The following ITGA10 variants were observed in gnomAD, a reference collection of about 807,000 sequenced individuals.
The protein encoded by ITGA10 is integrin alpha-10.
Under a neutral mutation model 145.2 loss-of-function variants are expected in ITGA10, and 105 were observed. That is an observed-to-expected ratio of 0.72 (90% CI 0.62 to 0.85). The LOEUF (loss-of-function observed/expected upper bound fraction) is 0.85. ITGA10 is among the 40% of genes least tolerant of loss of function. The pLI is 0.00. For synonymous variants in ITGA10, 506 were observed against 557.8 expected (o/e 0.91, Z 1.31); for missense variants, 1,317 against 1,444.5 (o/e 0.91, Z 1.43).
chr1:145,909,895 G>A (rs1402855773), intron 1 of ITGA10, 68 bp downstream of exon 1: 34 of 1,325,314 alleles, frequency 2.6e-5, no homozygotes, highest in South Asian at 1.3e-4. Flanking sequence ...TAACTATAAT[G>A]GTCCCAATTC....
rs587665003 is a variant in ITGA10, at chr1:145,892,235, G to A, written c.*563C>T. On this transcript the variant is annotated 3_prime_UTR_variant, in exon 30 of 30. Transcript: ENST00000369304. ...CTTGGAATTGTACAGAATGTCTCTTGTGGCTTTTCCTCCTCCCTCCTTTTT... is the reference window on the plus strand; with the variant it reads ...CTTGGAATTGTACAGAATGTCTCTTATGGCTTTTCCTCCTCCCTCCTTTTT... 2 of 153,542 alleles carry A rather than the reference G, an allele frequency of 1.3e-5. No homozygotes were observed. The highest frequency in any genetic ancestry group is 6.5e-5 in the Admixed American group (1 of 15,360). The allele number at this position is 153,542 out of a possible 1,614,324, so 9.5% of individuals were successfully genotyped here. A position where few individuals can be genotyped will look rare whatever the true frequency, so the allele number is the denominator to read the frequency against.
At chr1:145,904,253 G>A in intron 6 of ITGA10, 53 bp from the exon 7 acceptor site, 1 of 1,564,080 alleles carries the variant, frequency 6.4e-7, no homozygotes, top group Non-Finnish European at 8.8e-7. Flanking sequence ...TGGGGGGAGA[G>A]GAGGAAGAAG....
Position 145,898,994 on chromosome 1 carries a change from C to T in ITGA10, c.2174G>A (p.Arg725Gln), listed in dbSNP as rs2274616. 0.15 allele frequency: 238,882 copies of T among 1,614,040 alleles called. 18,165 individuals carry two copies. The highest frequency in any genetic ancestry group is 0.19 in the Middle Eastern group (1,124 of 6,062). ...FDGSGQRLSP[R>Q]RLRLSVGNVT... ...ATTCCCCACACTGAGCCGGAGCCTC[C>T]GAGGGGACAACCTCTGGCCAGAGCC... Residue 725 changes from arginine to glutamine, a missense_variant, in exon 17 of 30, where the codon CGG (arginine) becomes CAG (glutamine). Transcript: ENST00000369304.
Position 145,893,176 on chromosome 1 carries a change from G to T in ITGA10, c.3423C>A (p.Val1141=). 6.2e-7 allele frequency: 1 copy of T among 1,612,514 alleles called. No individual in the cohort carries two copies. The highest frequency in any genetic ancestry group is 8.5e-7 in the Non-Finnish European group (1 of 1,178,582). The part of the protein sequence containing the change: ...LGGLLLLALL[V]FCLWKLGFFA... ...CAGTGCTTACCTTCCACAGGCAGAA[G>T]ACAAGGAGAGCAAGCAGGAGCAACC... Residue 1141 remains valine (V), a synonymous_variant, in exon 29 of 30, where the codon GTC becomes GTA. Coordinates refer to ENST00000369304, the MANE Select transcript of ITGA10 (RefSeq NM_003637.5).
At position 145,897,037 on chromosome 1, in the gene ITGA10, C is replaced by T; in HGVS notation, c.2718G>A (p.Gln906=). The change falls in exon 22 of 30, where the codon CAG becomes CAA. Residue 906 remains glutamine (Q), a synonymous_variant. Transcript: ENST00000369304. ...FEFSCSSLLS[Q]VFVKLTASSD... ...TGCTGGCAGTCAGCTTCACGAAGAC[C>T]TGGCTCAGGAGAGAGGAGCAGCTAA... 6.2e-7 allele frequency: 1 copy of T among 1,614,124 alleles called. No homozygotes were observed. Among genetic ancestry groups the T allele is most frequent in the Non-Finnish European group, 8.5e-7 (1 of 1,180,002 alleles).
At chr1:145,897,161 G>C in intron 21 of ITGA10, 74 bp from the exon 22 acceptor site, 1 of 1,559,782 alleles carries the variant, frequency 6.4e-7, no homozygotes, top group South Asian at 1.1e-5. Flanking sequence ...GAGCCCTTGT[G>C]CGCCCCCTTC....
chr1:145,896,476 G>A (rs1032132569), intron 23 of ITGA10, 124 bp from the exon 24 acceptor site: 3 of 771,278 alleles, frequency 3.9e-6, no homozygotes, highest in Non-Finnish European at 4.6e-6. Flanking sequence ...AGAGGTGGGG[G>A]TACATGGAGA....
At chr1:145,896,227 C>T (rs781853323) in intron 24 of ITGA10, 41 bp downstream of exon 24, 2 of 1,540,294 alleles carry the variant, frequency 1.3e-6, no homozygotes, top group Non-Finnish European at 1.8e-6. Context: ...GCTGTTGTTC[C>T]CCCACATTCT....
Position 145,895,620 on chromosome 1 carries a change from G to A in ITGA10, c.3114+11C>T, listed in dbSNP as rs367675256. 2.5e-6 allele frequency: 4 copies of A among 1,613,672 alleles called. No individual in the cohort carries two copies. The African/African-American group carries it at 5.3e-5, about 22-fold the overall frequency. On this transcript the variant is annotated intron_variant, in intron 26 of 29. Coordinates refer to ENST00000369304, the MANE Select transcript of ITGA10 (RefSeq NM_003637.5). Reference sequence around the variant, plus strand: ...GCATTCCCACTCTGGACACCCCTTTGTGACTCATACCAGTCTGTTTGTGTG... The same window carrying A: ...GCATTCCCACTCTGGACACCCCTTTATGACTCATACCAGTCTGTTTGTGTG...
chr1:145,905,402 C>A (rs1438974922), intron 5 of ITGA10, among the ~76,000 whole-genome samples: 3 of 151,890 alleles, frequency 2.0e-5, no homozygotes, highest in African/African-American at 7.2e-5. Context: ...GCCTCAGCCT[C>A]CCGAGTAGCT....
chr1:145,906,445 G>T lies in ITGA10; in HGVS notation c.430C>A (p.Arg144Ser). Residue 144 changes from arginine to serine, a missense_variant, in exon 5 of 30, where the codon CGT (arginine) becomes AGT (serine). Physicochemically the swap from Arg to Ser is moderately radical, Grantham distance 110. Transcript: ENST00000369304. ...SSVFSSGICA[R>S]VDASFQPQGS... Reference sequence around the variant, plus strand: ...TGAGGCTGGAATGAAGCATCCACACGGGCACATATCCCAGAACTGAAGACA... The same window carrying T: ...TGAGGCTGGAATGAAGCATCCACACTGGCACATATCCCAGAACTGAAGACA... 6.2e-7 allele frequency: 1 copy of T among 1,614,066 alleles called. No individual in the cohort carries two copies. The highest frequency in any genetic ancestry group is 8.5e-7 in the Non-Finnish European group (1 of 1,180,020).
chr1:145,893,496 T>C (rs1553743890), intron 28 of ITGA10, 44 bp downstream of exon 28: 2 of 1,465,468 alleles, frequency 1.4e-6, no homozygotes, highest in African/African-American at 2.8e-5. Flanking sequence ...CACATACCCA[T>C]CATCATTATT....
chr1:145,895,834 A>G (rs1655315184), intron 25 of ITGA10, 123 bp from the exon 26 acceptor site: 3 of 1,034,424 alleles, frequency 2.9e-6, no homozygotes, highest in African/African-American at 3.2e-5. Flanking sequence ...CTTCTCTCTA[A>G]TAAGCCACAT....
Position 145,906,443 on chromosome 1 carries a change from A to G in ITGA10, c.432T>C (p.Arg144=). 5 of 1,614,144 alleles carry G rather than the reference A, an allele frequency of 3.1e-6. No homozygotes were observed. Among genetic ancestry groups the G allele is most frequent in the Non-Finnish European group, 4.2e-6 (5 of 1,180,036 alleles). ...CCTGAGGCTGGAATGAAGCATCCAC[A>G]CGGGCACATATCCCAGAACTGAAGA... ...SSVFSSGICA[R]VDASFQPQGS... The change falls in exon 5 of 30, where the codon CGT becomes CGC. Residue 144 remains arginine (R), a synonymous_variant. Transcript: ENST00000369304.
At chr1:145,899,409 G>A (rs1379825343) in intron 15 of ITGA10, 68 bp from the exon 16 acceptor site, 1 of 1,542,500 alleles carries the variant, frequency 6.5e-7, no homozygotes, top group African/African-American at 1.4e-5. Flanking sequence ...CAAGCCCAGT[G>A]TTTGCTTCCC....
At chr1:145,894,200 C>T (rs1422309691) in intron 27 of ITGA10, among the ~76,000 whole-genome samples, 1 of 150,002 alleles carries the variant, frequency 6.7e-6, no homozygotes, top group Non-Finnish European at 1.5e-5. Flanking sequence ...CAAACTCCAT[C>T]TCTCGGGTTA....
intron 17 of ITGA10, 118 bp from the exon 18 acceptor site, chr1:145,898,341 T>G (rs1171389398): frequency 1.1e-5 from 5 of 458,950 alleles, no homozygotes; most frequent in Non-Finnish European, 2.0e-5. Flanking sequence ...ACTGTATTAC[T>G]AAATTTAATT....
At position 145,895,401 on chromosome 1, in the gene ITGA10, A is replaced by G. The variant is rs1553744558; in HGVS notation, c.3115-8T>C. 6.2e-7 allele frequency: 1 copy of G among 1,609,126 alleles called. No individual in the cohort carries two copies. Among genetic ancestry groups the G allele is most frequent in the South Asian group, 1.1e-5 (1 of 90,878 alleles). Reference sequence around the variant, plus strand: ...CTGAGTATTGCTCCCATTCTAACAGAAGAGACAGAGAGAGACAGATCAGGA... The same window carrying G: ...CTGAGTATTGCTCCCATTCTAACAGGAGAGACAGAGAGAGACAGATCAGGA... On this transcript the variant is annotated splice_polypyrimidine_tract_variant and splice_region_variant and intron_variant, in intron 26 of 29. Transcript: ENST00000369304.
At position 145,907,645 on chromosome 1, in the gene ITGA10, T is replaced by C. The variant is rs1456705964; in HGVS notation, c.53-180A>G. On this transcript the variant is annotated intron_variant, in intron 1 of 29. Transcript: ENST00000369304. ...CTCCAGGCAAAGATGATTCCCTTCC[T>C]GTGTTTGTGTCCAGATGCCTAAACT... The C allele has an allele frequency of 3.1e-6, 3 of 977,978 alleles. No homozygotes were observed. The Admixed American group carries it at 1.9e-4, about 60-fold the overall frequency. The allele number at this position is 977,978 out of a possible 1,614,324, so 60.6% of individuals were successfully genotyped here.
Sources: gnomAD v4.1 joint callset for allele counts (sites outside exome capture counted in the v4.1 genomes callset) on GRCh38, gnomAD v4.1.1 for gene constraint, MANE v1.5 for transcripts, NCBI Gene and HGNC (gene_info 2026-07-23, HGNC 2026-07-21) for gene names.